The following TMEM164 variants were observed in gnomAD, a reference collection of about 807,000 sequenced individuals.
TMEM164 encodes the protein RP13-360B22.2.
A neutral mutation model predicts 18.8 loss-of-function variants in TMEM164; 4 were observed. That is an observed-to-expected ratio of 0.21 (90% CI 0.10 to 0.49). The LOEUF (loss-of-function observed/expected upper bound fraction) is 0.49, where lower values mean the gene tolerates loss of function less well. TMEM164 is among the 20% of genes least tolerant of loss of function. The pLI, the probability that TMEM164 is intolerant of heterozygous loss-of-function variation, is 0.98. For missense variants in TMEM164, 108 were observed against 239.9 expected, an observed-to-expected ratio of 0.45 and a Z score of 3.63; for synonymous variants, 86 against 101.7, an observed-to-expected ratio of 0.85 and a Z score of 0.93.
intron 5 of TMEM164, among the ~76,000 whole-genome samples, chrX:110,154,430 A>T (rs958435507): frequency 3.6e-5 from 4 of 110,385 alleles, no homozygotes; most frequent in Non-Finnish European, 7.6e-5. Flanking sequence ...TTTTATTTTT[A>T]TTTTTTTGAG....
intron 2 of TMEM164, among the ~76,000 whole-genome samples, chrX:110,031,670 GTTA>G (rs1934516621): frequency 9.1e-6 from 1 of 109,904 alleles, no homozygotes; most frequent in African/African-American, 3.3e-5. Flanking sequence ...TTTGCTTATT[GTTA>G]TTATTTTTAA....
intron 3 of TMEM164, among the ~76,000 whole-genome samples, chrX:110,101,764 G>C (rs2066114811): frequency 9.3e-6 from 1 of 107,865 alleles, no homozygotes; most frequent in Non-Finnish European, 1.9e-5. Context: ...AATTTTTTTT[G>C]TAGAGACAAG....
At chrX:110,150,676 T>A (rs2148078848) in intron 5 of TMEM164, among the ~76,000 whole-genome samples, 1 of 112,503 alleles carries the variant, frequency 8.9e-6, no homozygotes, top group South Asian at 3.6e-4. Flanking sequence ...AAGTAAATTT[T>A]AAAAATATTT....
chrX:110,173,486 A>T lies in TMEM164; in HGVS notation c.*35A>T. 8.7e-7 allele frequency: 1 copy of T among 1,144,751 alleles called. No homozygotes were observed. Among genetic ancestry groups the T allele is most frequent in the Non-Finnish European group, 1.2e-6 (1 of 847,918 alleles). 94.3% of individuals were successfully genotyped at this position (1,144,751 alleles called of 1,213,427 possible). The stretch of plus-strand genomic sequence containing the variant: ...TTTTTTTTTTTTTTCCTCCCTGAGG[A>T]AGCAAGTCGTGACTTGACTTGGAGA... On this transcript the variant is annotated 3_prime_UTR_variant, in exon 7 of 7. Coordinates refer to ENST00000372068, the MANE Select transcript of TMEM164 (RefSeq NM_032227.4).
In TMEM164 at chrX:110,173,534, A is replaced by G; in HGVS notation, c.*83A>G. ...AGAACACCCAGTTCTTGATAAAATC[A>G]TGGGAGAGGGCAGTAGGATGTTTGG... is the stretch of plus-strand genomic sequence containing the variant. On this transcript the variant is annotated 3_prime_UTR_variant, in exon 7 of 7. Transcript: ENST00000372068. The G allele has an allele frequency of 3.7e-6, 3 of 808,802 alleles. No individual in the cohort carries two copies. The highest frequency in any genetic ancestry group is 5.3e-6 in the Non-Finnish European group (3 of 562,787). The allele number at this position is 808,802 out of a possible 1,213,427, so 66.7% of individuals were successfully genotyped here.
chrX:110,024,969 T>A (rs2147734084), intron 2 of TMEM164, among the ~76,000 whole-genome samples: 1 of 100,430 alleles, frequency 1.0e-5, no homozygotes, highest in East Asian at 2.9e-4. Flanking sequence ...ATCTTAAAAT[T>A]TTTATGTTGT....
At chrX:110,094,154 G>A (rs1367639270) in intron 3 of TMEM164, among the ~76,000 whole-genome samples, 1 of 112,334 alleles carries the variant, frequency 8.9e-6, no homozygotes, top group Non-Finnish European at 1.9e-5. Flanking sequence ...TCAGAAGAAT[G>A]TATATTCTGT....
At chrX:110,101,311 A>G (rs73250285) in intron 3 of TMEM164, among the ~76,000 whole-genome samples, 6,281 of 111,619 alleles carry the variant, frequency 0.056, 193 homozygotes, top group Middle Eastern at 0.12. Context: ...TTTATTTAAT[A>G]GTATTATTCA....
In TMEM164 at chrX:110,096,375, C is replaced by G. The variant is rs372206405; in HGVS notation, c.441-12705C>G. On this transcript the variant is annotated intron_variant, in intron 3 of 6. Coordinates refer to ENST00000372068, the MANE Select transcript of TMEM164 (RefSeq NM_032227.4). ...TGCCTGCTTTATTTACCTACTCAAG[C>G]CTTAGCAATGGCAGATGCCCCTTCC... is the stretch of plus-strand genomic sequence containing the variant. Among the ~76,000 whole-genome samples the G allele has an allele frequency of 2.7e-5, 3 of 112,954 alleles. No homozygotes were observed. In the East Asian group the frequency reaches 8.4e-4, roughly 31 times the overall value.
intron 3 of TMEM164, among the ~76,000 whole-genome samples, chrX:110,104,579 T>C (rs2066158188): frequency 8.9e-6 from 1 of 112,050 alleles, no homozygotes; most frequent in South Asian, 3.7e-4. Flanking sequence ...GGACTGCAGC[T>C]GCAGTTACCC....
At chrX:110,019,861 C>CT (rs35633873) in intron 2 of TMEM164, among the ~76,000 whole-genome samples, 6 of 111,673 alleles carry the variant, frequency 5.4e-5, no homozygotes, top group Non-Finnish European at 1.1e-4. Context: ...TGGTCCCAAC[C>CT]TTTTTTTTCA....
At chrX:110,182,851 C>T (rs1246701796), downstream of TMEM164, 3 of 112,020 alleles carry the variant, frequency 2.7e-5, no homozygotes, top group African/African-American at 9.8e-5. Context: ...AAATTAAGCT[C>T]TGCCCTTGTA....
intron 4 of TMEM164, among the ~76,000 whole-genome samples, chrX:110,124,180 C>CAGGA (rs1376069595): frequency 1.5e-4 from 10 of 67,321 alleles, no homozygotes; most frequent in Admixed American, 5.6e-4. Context: ...GGAAGGAAGG[C>CAGGA]AGGAAGGCAG....
At chrX:110,158,158 A>C (rs1396971348) in intron 5 of TMEM164, among the ~76,000 whole-genome samples, 1 of 111,916 alleles carries the variant, frequency 8.9e-6, no homozygotes, top group East Asian at 2.8e-4. Context: ...AAGTGCTGGG[A>C]TTACAGGTGA....
chrX:110,096,209 A>C (rs1346027791), intron 3 of TMEM164, among the ~76,000 whole-genome samples: 2 of 112,288 alleles, frequency 1.8e-5, no homozygotes, highest in Non-Finnish European at 3.8e-5. Flanking sequence ...TACTCTCTTT[A>C]AAGCTGTCAG....
At chrX:110,173,093 C>T (rs2148138817) in intron 6 of TMEM164, 152 bp from the exon 7 acceptor site, 8 of 537,247 alleles carry the variant, frequency 1.5e-5, no homozygotes, top group South Asian at 6.2e-5. Flanking sequence ...CTCAGAAAAC[C>T]GAGGGGAGAG....
chrX:110,003,567 C>A lies in TMEM164; in HGVS notation c.-208C>A. ...ACTGGAGAAGCGCGGGGGGCTCCCC[C>A]AGACAGCCGTGGGGACAAGTTAGAG... On this transcript the variant is annotated 5_prime_UTR_variant, in exon 2 of 7. Transcript: ENST00000372068. 5 of 396,861 alleles carry A rather than the reference C, an allele frequency of 1.3e-5. No individual in the cohort carries two copies. Among genetic ancestry groups the A allele is most frequent in the Non-Finnish European group, 1.7e-5 (4 of 239,046 alleles). 32.7% of individuals were successfully genotyped at this position (396,861 alleles called of 1,213,427 possible).
chrX:110,118,156 A>G (rs2066399286), intron 4 of TMEM164, among the ~76,000 whole-genome samples: 1 of 112,116 alleles, frequency 8.9e-6, no homozygotes, highest in African/African-American at 3.2e-5. Context: ...CAAATGATCC[A>G]CCTGCCTTGG....
At chrX:110,154,893 C>G (rs1414790011) in intron 5 of TMEM164, among the ~76,000 whole-genome samples, 2 of 111,845 alleles carry the variant, frequency 1.8e-5, no homozygotes, top group Non-Finnish European at 3.8e-5. Flanking sequence ...TCTGTTTTCT[C>G]ACTTGCAAAA....
Sources: allele counts gnomAD v4.1 joint callset (sites outside exome capture counted in the v4.1 genomes callset), GRCh38; gene constraint gnomAD v4.1.1; transcripts MANE v1.5; gene names NCBI Gene and HGNC (gene_info 2026-07-23, HGNC 2026-07-21).